The following DCAF13 variants were observed in gnomAD, a reference collection of about 807,000 sequenced individuals.
DCAF13 encodes the protein DDB1 and CUL4 associated factor 13.
Under a neutral mutation model 59.0 loss-of-function variants are expected in DCAF13, and 38 were observed. That is an observed-to-expected ratio of 0.64 (90% CI 0.50 to 0.84). The LOEUF (loss-of-function observed/expected upper bound fraction) is 0.84. Ranked by LOEUF, DCAF13 falls within the 40% of genes least tolerant of loss-of-function variation. The probability of loss-of-function intolerance (pLI) is 0.00; values close to 1 mark genes in which losing one functional copy is unlikely to be tolerated. For synonymous variants in DCAF13, 173 were observed against 175.0 expected (o/e 0.99, Z 0.09); for missense variants, 469 against 558.4 (o/e 0.84, Z 1.61).
At position 103,435,608 on chromosome 8, in the gene DCAF13, T is replaced by A. The variant is rs1397414897; in HGVS notation, c.786-18T>A. On this transcript the variant is annotated intron_variant, in intron 7 of 10. Coordinates refer to ENST00000612750, the MANE Select transcript of DCAF13 (RefSeq NM_015420.7). The stretch of plus-strand genomic sequence containing the variant: ...CTTTCTAGAAATATGTGTCAAATAT[T>A]TAAAAATTCTTTTACAGCTTATATA... 6.6e-7 allele frequency: 1 copy of A among 1,506,868 alleles called. No homozygotes were observed. The highest frequency in any genetic ancestry group is 1.3e-5 in the South Asian group (1 of 75,152). The allele number at this position is 1,506,868 out of a possible 1,614,324, so 93.3% of individuals were successfully genotyped here. A position where few individuals can be genotyped will look rare whatever the true frequency, so the allele number is the denominator to read the frequency against.
chr8:103,416,560 G>T (rs1447800003), intron 1 of DCAF13, among the ~76,000 whole-genome samples: 1 of 152,124 alleles, frequency 6.6e-6, no homozygotes, highest in Non-Finnish European at 1.5e-5. Flanking sequence ...GCTTTCTCTG[G>T]AAGACTTTCA....
chr8:103,424,593 T>C (rs1051767185), intron 3 of DCAF13, among the ~76,000 whole-genome samples: 3 of 152,162 alleles, frequency 2.0e-5, no homozygotes, highest in Admixed American at 6.5e-5. Flanking sequence ...AGAAAACCCT[T>C]CCCAGAATTG....
intron 1 of DCAF13, 21 bp from the exon 2 acceptor site, chr8:103,420,243 G>A (rs1198850424): frequency 6.2e-7 from 1 of 1,606,766 alleles, no homozygotes; most frequent in Non-Finnish European, 8.5e-7. Context: ...GAATTATTAA[G>A]AAGGATCATT....
Position 103,432,639 on chromosome 8 carries a change from A to T in DCAF13, c.703-20A>T. On this transcript the variant is annotated intron_variant, in intron 6 of 10. Coordinates refer to ENST00000612750, the MANE Select transcript of DCAF13 (RefSeq NM_015420.7). The stretch of plus-strand genomic sequence containing the variant: ...GAAAAGGAAAGGAAGTGGGAAATTC[A>T]TCCATTCTTCCTTTCTCAGGTTATC... 6.9e-7 allele frequency: 1 copy of T among 1,456,280 alleles called. No homozygotes were observed. The highest frequency in any genetic ancestry group is 9.6e-7 in the Non-Finnish European group (1 of 1,044,352). The allele number at this position is 1,456,280 out of a possible 1,614,324, so 90.2% of individuals were successfully genotyped here.
In DCAF13 at chr8:103,415,415, C is replaced by T. The variant is rs137924177; in HGVS notation, c.-32C>T. The T allele has an allele frequency of 1.2e-5, 19 of 1,613,984 alleles. No individual in the cohort carries two copies. In the African/African-American group the frequency reaches 2.3e-4, roughly 19 times the overall value. On this transcript the variant is annotated 5_prime_UTR_variant, in exon 1 of 11. Transcript: ENST00000612750. ...CGGTGGGCGGAACTCCTAGCGGACA[C>T]CTCGTGGAGTCCGGCCGGAAGAGCA...
chr8:103,436,850 A>T (rs925357294), intron 8 of DCAF13, among the ~76,000 whole-genome samples: 1 of 152,194 alleles, frequency 6.6e-6, no homozygotes, highest in Non-Finnish European at 1.5e-5. Context: ...TTTCTCAAAA[A>T]ATTATGATAA....
Position 103,427,272 on chromosome 8 carries a change from A to G in DCAF13, c.624+20A>G, listed in dbSNP as rs748707587. On this transcript the variant is annotated intron_variant, in intron 5 of 10. Coordinates refer to ENST00000612750, the MANE Select transcript of DCAF13 (RefSeq NM_015420.7). ...ATTGAGGTAATGTTTTTTTTTAAGT[A>G]TGTTTTACTTATTATGGCTTAATAA... 5 of 1,593,270 alleles carry G rather than the reference A, an allele frequency of 3.1e-6. No homozygotes were observed. The highest frequency in any genetic ancestry group is 2.6e-6 in the Non-Finnish European group (3 of 1,164,176).
rs149167193 is a variant in DCAF13 at position 103,440,541 on chromosome 8, G to C, written c.1086+270G>C. 788 of 214,226 alleles carry C rather than the reference G, an allele frequency of 3.7e-3. 12 individuals carry two copies. Among genetic ancestry groups the C allele is most frequent in the African/African-American group, 0.015 (633 of 43,626 alleles). The allele number at this position is 214,226 out of a possible 1,614,324, so 13.3% of individuals were successfully genotyped here. The stretch of plus-strand genomic sequence containing the variant: ...ATGTTTGATAATATTGAGTCTTACT[G>C]GTTTTTTGTGTTTTCCTTGAGGTAG... On this transcript the variant is annotated intron_variant, in intron 9 of 10. Transcript: ENST00000612750.
rs766589820 is a variant in DCAF13, at chr8:103,415,404, C to G, written c.-43C>G. 2.5e-6 allele frequency: 4 copies of G among 1,614,080 alleles called. No homozygotes were observed. The highest frequency in any genetic ancestry group is 4.5e-5 in the East Asian group (2 of 44,878). On this transcript the variant is annotated 5_prime_UTR_variant, in exon 1 of 11. Coordinates refer to ENST00000612750, the MANE Select transcript of DCAF13 (RefSeq NM_015420.7). ...GGAGGAGGTGGCGGTGGGCGGAACTCCTAGCGGACACCTCGTGGAGTCCGG... is the reference window on the plus strand; with the variant it reads ...GGAGGAGGTGGCGGTGGGCGGAACTGCTAGCGGACACCTCGTGGAGTCCGG...
At chr8:103,437,468 G>A (rs1242459542) in intron 8 of DCAF13, among the ~76,000 whole-genome samples, 1 of 152,128 alleles carries the variant, frequency 6.6e-6, no homozygotes, top group African/African-American at 2.4e-5. Context: ...GCTAAATGTA[G>A]GTCTAGCTAG....
intron 5 of DCAF13, chr8:103,428,721 C>T (rs201743683): frequency 6.6e-6 from 1 of 151,534 alleles, no homozygotes; most frequent in Non-Finnish European, 1.5e-5. Flanking sequence ...AAAAAAAACA[C>T]AAAAAAACCT....
In DCAF13 at chr8:103,440,038, A is replaced by G. The variant is rs1256402969; in HGVS notation, c.951-98A>G. The G allele has an allele frequency of 1.5e-5, 15 of 992,444 alleles. 1 individual carries two copies. Among genetic ancestry groups the G allele is most frequent in the Non-Finnish European group, 2.0e-5 (14 of 703,248 alleles). The allele number at this position is 992,444 out of a possible 1,614,324, so 61.5% of individuals were successfully genotyped here. On this transcript the variant is annotated intron_variant, in intron 8 of 10. Coordinates refer to ENST00000612750, the MANE Select transcript of DCAF13 (RefSeq NM_015420.7). ...ATTTGAGTTTTTATTTTATACTCCTATAGGACTCAGAAATAGTATCCTGAT... is the reference window on the plus strand; with the variant it reads ...ATTTGAGTTTTTATTTTATACTCCTGTAGGACTCAGAAATAGTATCCTGAT...
In DCAF13 at chr8:103,427,195, A is replaced by C. The variant is rs759596988; in HGVS notation, c.567A>C (p.Ile189=). 2 of 1,613,442 alleles carry C rather than the reference A, an allele frequency of 1.2e-6. No homozygotes were observed. Among genetic ancestry groups the C allele is most frequent in the Admixed American group, 3.3e-5 (2 of 59,958 alleles). Residue 189 remains isoleucine, a synonymous_variant, in exon 5 of 11, where the codon ATA becomes ATC. Transcript: ENST00000612750. ...GGGATGAACAAAGAACTAATCCTAT[A>C]TGTTCAATGACCTGGGGATTTGACA... The part of the protein sequence containing the change: ...DIWDEQRTNP[I]CSMTWGFDSI...
At position 103,420,317 on chromosome 8, in the gene DCAF13, A is replaced by G. The variant is rs3134253; in HGVS notation, c.124A>G (p.Ile42Val). The change falls in exon 2 of 11, where the codon ATA becomes GTA. Residue 42 changes from isoleucine to valine, a missense_variant. Physicochemically the swap from Ile to Val is conservative, Grantham distance 29 (BLOSUM62 3). This residue lies in a region of DCAF13 where 355 missense variants were observed against 399.1 expected (regional missense o/e 0.89). Transcript: ENST00000612750. The part of the protein sequence containing the change: ...LHPFEVPREY[I>V]RALNATKLER... ...TCCTTTTGAGGTCCCACGAGAATATATAAGAGCTTTAAATGCTACCAAACT... is the reference window on the plus strand; with the variant it reads ...TCCTTTTGAGGTCCCACGAGAATATGTAAGAGCTTTAAATGCTACCAAACT... The G allele has an allele frequency of 0.23, 364,977 of 1,613,600 alleles. 42,279 individuals carry two copies. Among genetic ancestry groups the G allele is most frequent in the East Asian group, 0.36 (16,062 of 44,850 alleles).
At chr8:103,438,971 T>G (rs759005339) in intron 8 of DCAF13, among the ~76,000 whole-genome samples, 9 of 152,186 alleles carry the variant, frequency 5.9e-5, no homozygotes, top group Non-Finnish European at 1.5e-5. Flanking sequence ...CCTTTCCAAA[T>G]AGGTATGATA....
At chr8:103,437,585 T>G (rs1816949202) in intron 8 of DCAF13, among the ~76,000 whole-genome samples, 1 of 152,126 alleles carries the variant, frequency 6.6e-6, no homozygotes, top group Non-Finnish European at 1.5e-5. Context: ...TCTTAATATG[T>G]GTTAACGTCC....
At chr8:103,429,840 G>T (rs796220013) in intron 5 of DCAF13, 5 of 152,234 alleles carry the variant, frequency 3.3e-5, no homozygotes, top group African/African-American at 1.2e-4. Context: ...AGTGTATACT[G>T]GTACAGCTCT....
rs771804248 is a variant in DCAF13, at chr8:103,415,461, G to T, written c.15G>T (p.Met5Ile). 2.5e-6 allele frequency: 4 copies of T among 1,613,882 alleles called. No homozygotes were observed. In the African/African-American group the frequency reaches 5.3e-5, roughly 22 times the overall value. Residue 5 changes from methionine (M) to isoleucine (I), a missense_variant, in exon 1 of 11, where the codon ATG becomes ATT. By Grantham distance (10) the Met-to-Ile change is conservative (BLOSUM62 1). Transcript: ENST00000612750. ...GAGCAACCGAGATGAAGGTGAAGATGCTGAGCCGGAATCCGGACAATTATG... is the reference window on the plus strand; with the variant it reads ...GAGCAACCGAGATGAAGGTGAAGATTCTGAGCCGGAATCCGGACAATTATG... MKVKMLSRNPDNYVR... is the reference protein window; with the variant it reads MKVKILSRNPDNYVR...
intron 5 of DCAF13, chr8:103,429,719 A>G (rs1816836145): frequency 1.3e-5 from 2 of 152,252 alleles, no homozygotes; most frequent in African/African-American, 2.4e-5. Flanking sequence ...TAATAAAACA[A>G]TAAATTTATA....
Sources: gnomAD v4.1 joint callset for allele counts (sites outside exome capture counted in the v4.1 genomes callset) on GRCh38, gnomAD v4.1.1 for gene constraint, gnomAD v4.1.1 regional missense constraint, MANE v1.5 for transcripts, NCBI Gene and HGNC (gene_info 2026-07-23, HGNC 2026-07-21) for gene names.